CSMD3: variants seen among roughly 807,000 people sequenced by gnomAD.
CSMD3 encodes CUB and Sushi multiple domains 3, also known as CUB and sushi domain-containing protein 3.
CSMD3 carries 177 observed loss-of-function variants against 435.2 expected under a neutral mutation model. The observed-to-expected ratio is 0.41, with a 90% confidence interval of 0.36 to 0.46. The LOEUF is 0.46. CSMD3 is among the 20% of genes least tolerant of loss of function. CSMD3 has a pLI of 0.34. For synonymous variants in CSMD3, 1,656 were observed against 1,520.5 expected, an observed-to-expected ratio of 1.09 and a Z score of -2.07; for missense variants, 4,265 against 4,504.6, an observed-to-expected ratio of 0.95 and a Z score of 1.52.
chr8:112,319,894 G>A lies in CSMD3; in HGVS notation c.7246+7C>T. On this transcript the variant is annotated splice_region_variant and intron_variant, in intron 46 of 70. Transcript: ENST00000297405. ...TGTTTTCCTTGAAAATAATTTAACA[G>A]CTTTACCTATTTCAAATTCATCATC... is the stretch of plus-strand genomic sequence containing the variant. 6.3e-7 allele frequency: 1 copy of A among 1,597,024 alleles called. No individual in the cohort carries two copies.
At chr8:113,335,218 T>C (rs2132803957) in intron 1 of CSMD3, among the ~76,000 whole-genome samples, 1 of 152,230 alleles carries the variant, frequency 6.6e-6, no homozygotes, top group East Asian at 1.9e-4. Context: ...TCCCAGAAGC[T>C]GATGCTGCCG....
Position 112,318,950 on chromosome 8 carries a change from C to T in CSMD3, c.7247G>A (p.Gly2416Asp), listed in dbSNP as rs2130861554. ...AAGACACTGATACCTAATAATATCA[C>T]CTATTAAACAAAAGAGGGGAGGTTT... The part of the protein sequence containing the change: ...ILTEDDEFEI[G>D]DIIRYQCLPG... The change falls in exon 47 of 71, where the codon GGT becomes GAT. Residue 2416 changes from glycine (G) to aspartate (D), a missense_variant and splice_region_variant. Around this residue, in one of 3 missense-constraint regions of CSMD3, gnomAD observed 3,255 missense variants for 3,380.2 expected, o/e 0.96. Coordinates refer to ENST00000297405, the MANE Select transcript of CSMD3 (RefSeq NM_198123.2). The T allele has an allele frequency of 6.4e-7, 1 of 1,572,356 alleles. No homozygotes were observed. The highest frequency in any genetic ancestry group is 8.7e-7 in the Non-Finnish European group (1 of 1,144,322).
chr8:112,911,599 A>G (rs867311055), intron 10 of CSMD3, among the ~76,000 whole-genome samples: 1 of 140,886 alleles, frequency 7.1e-6, no homozygotes. Context: ...TTCTTTTTTA[A>G]GGCTGAATTG....
chr8:113,231,061 G>T (rs1321038238), intron 3 of CSMD3, among the ~76,000 whole-genome samples: 2 of 150,812 alleles, frequency 1.3e-5, no homozygotes, highest in Admixed American at 1.3e-4. Flanking sequence ...ATGCATATAT[G>T]TTCAGAATTC....
chr8:113,368,698 T>A (rs1450769729), intron 1 of CSMD3, among the ~76,000 whole-genome samples: 2 of 152,100 alleles, frequency 1.3e-5, no homozygotes, highest in African/African-American at 2.4e-5. Context: ...GACACGTCAA[T>A]AATCTTGGCT....
At chr8:113,364,082 G>A in intron 1 of CSMD3, among the ~76,000 whole-genome samples, 1 of 151,976 alleles carries the variant, frequency 6.6e-6, no homozygotes, top group East Asian at 1.9e-4. Context: ...TTTTTAATAT[G>A]GATGTTCAAT....
At chr8:113,139,956 AC>A (rs1387506172) in intron 4 of CSMD3, among the ~76,000 whole-genome samples, 1 of 151,122 alleles carries the variant, frequency 6.6e-6, no homozygotes, top group African/African-American at 2.4e-5. Context: ...CAATGGCTTG[AC>A]TTATAGTCTT....
chr8:112,651,727 C>T (rs962770354), intron 18 of CSMD3, among the ~76,000 whole-genome samples: 1 of 151,796 alleles, frequency 6.6e-6, no homozygotes. Flanking sequence ...TTAGTAGAGA[C>T]GGGTTTTACC....
intron 6 of CSMD3, among the ~76,000 whole-genome samples, chr8:112,987,687 T>C (rs1420834666): frequency 1.3e-5 from 2 of 152,166 alleles, no homozygotes; most frequent in Admixed American, 6.6e-5. Flanking sequence ...CAGTATAGCA[T>C]GTAAACACTT....
intron 1 of CSMD3, among the ~76,000 whole-genome samples, chr8:113,377,567 AG>A (rs1472528585): frequency 6.6e-6 from 1 of 152,176 alleles, no homozygotes; most frequent in Non-Finnish European, 1.5e-5. Context: ...TTTAATCCAA[AG>A]AAGGTACACA....
intron 5 of CSMD3, among the ~76,000 whole-genome samples, chr8:113,030,086 T>A (rs1320623952): frequency 6.6e-6 from 1 of 151,164 alleles, no homozygotes. Flanking sequence ...TTGAAAGACC[T>A]CTGCAAGGAA....
intron 1 of CSMD3, among the ~76,000 whole-genome samples, chr8:113,360,694 C>A (rs2094268490): frequency 6.6e-6 from 1 of 151,328 alleles, no homozygotes; most frequent in Admixed American, 6.6e-5. Context: ...CTGCCTCAGC[C>A]TCCCGAGTAG....
intron 31 of CSMD3, 30 bp from the exon 32 acceptor site, chr8:112,472,737 T>C: frequency 8.0e-7 from 1 of 1,245,290 alleles, no homozygotes; most frequent in South Asian, 1.2e-5. Context: ...ATATCATTTT[T>C]AGAAAAAAGT....
chr8:112,333,159 T>TATTG (rs930650096), intron 45 of CSMD3, among the ~76,000 whole-genome samples: 32 of 152,212 alleles, frequency 2.1e-4, no homozygotes, highest in African/African-American at 6.7e-4. Flanking sequence ...GTTTTATTTT[T>TATTG]ATTGATTGAT....
At chr8:112,472,257 G>C (rs1210552549) in intron 32 of CSMD3, among the ~76,000 whole-genome samples, 5 of 152,136 alleles carry the variant, frequency 3.3e-5, no homozygotes, top group Non-Finnish European at 7.4e-5. Flanking sequence ...ATATTTTACA[G>C]AGCAGCCTTG....
chr8:112,281,015 C>G (rs1465401786), intron 59 of CSMD3, among the ~76,000 whole-genome samples, 159 bp downstream of exon 59: 1 of 152,152 alleles, frequency 6.6e-6, no homozygotes, highest in Non-Finnish European at 1.5e-5. Flanking sequence ...TTAGTATACA[C>G]TCAGCCATGG....
At chr8:113,288,714 A>C (rs982921178) in intron 2 of CSMD3, among the ~76,000 whole-genome samples, 3 of 151,872 alleles carry the variant, frequency 2.0e-5, no homozygotes, top group Non-Finnish European at 4.4e-5. Flanking sequence ...GGTTTCTAAG[A>C]AGCAGTTGAC....
At chr8:112,470,536 A>G (rs1036061512) in intron 32 of CSMD3, among the ~76,000 whole-genome samples, 14 of 152,146 alleles carry the variant, frequency 9.2e-5, no homozygotes, top group Non-Finnish European at 1.5e-5. Flanking sequence ...CAAGTAAGTT[A>G]AGTTGAGCCT....
chr8:113,188,530 A>C (rs753157887), intron 3 of CSMD3, among the ~76,000 whole-genome samples: 4 of 151,946 alleles, frequency 2.6e-5, no homozygotes, highest in Non-Finnish European at 5.9e-5. Context: ...CACGGCCATA[A>C]GAGTTTCTTG....
Sources: allele counts gnomAD v4.1 joint callset (sites outside exome capture counted in the v4.1 genomes callset), GRCh38; gene constraint gnomAD v4.1.1; regional missense constraint gnomAD v4.1.1; transcripts MANE v1.5; gene names NCBI Gene and HGNC (gene_info 2026-07-23, HGNC 2026-07-21).